The following PDE3B variants were observed in gnomAD, a reference collection of about 807,000 sequenced individuals.
PDE3B encodes cGMP-inhibited 3',5'-cyclic phosphodiesterase 3B.
A neutral mutation model predicts 116.8 loss-of-function variants in PDE3B; 66 were observed. The observed-to-expected ratio is 0.56, with a 90% confidence interval of 0.46 to 0.69. The LOEUF is 0.69. Ranked by LOEUF, PDE3B falls within the 30% of genes least tolerant of loss-of-function variation. The pLI is 0.00. For missense variants in PDE3B, 1,384 were observed against 1,368.1 expected (o/e 1.01, Z -0.18); for synonymous variants, 595 against 533.6 (o/e 1.12, Z -1.59).
At chr11:14,805,303 G>T (rs1858885156) in intron 5 of PDE3B, among the ~76,000 whole-genome samples, 1 of 152,152 alleles carries the variant, frequency 6.6e-6, no homozygotes, top group Non-Finnish European at 1.5e-5. Context: ...CTTGTTAACA[G>T]CAACTGTGAA....
intron 1 of PDE3B, among the ~76,000 whole-genome samples, chr11:14,747,049 A>G (rs1856927704): frequency 6.6e-6 from 1 of 152,228 alleles, no homozygotes; most frequent in African/African-American, 2.4e-5. Context: ...GGTGGAAGGC[A>G]AAGGCGGAGG....
chr11:14,862,496 C>A lies in PDE3B; in HGVS notation c.2886+1130C>A, dbSNP rs548068409. On this transcript the variant is annotated intron_variant, in intron 14 of 15. Coordinates refer to ENST00000282096, the MANE Select transcript of PDE3B (RefSeq NM_000922.4). ...GTAGGAACATCAACTGGGAAGAAAT[C>A]CGGACAGAGGGCTACAAAATGGAGA... Among the ~76,000 whole-genome samples, 24 of 152,270 alleles carry A rather than the reference C, an allele frequency of 1.6e-4. No homozygotes were observed. In the South Asian group the frequency reaches 5.0e-3, roughly 32 times the overall value.
At chr11:14,891,431 C>T in the PDE3B span, 8 of 985,920 alleles carry the variant, frequency 8.1e-6, no homozygotes, top group South Asian at 3.7e-4. Flanking sequence ...ACAATCGTTT[C>T]CCAGGGCCCG....
intron 10 of PDE3B, among the ~76,000 whole-genome samples, chr11:14,833,395 G>A (rs754990155): frequency 9.9e-5 from 15 of 151,856 alleles, no homozygotes; most frequent in South Asian, 2.1e-4. Context: ...TTTATTTTTT[G>A]TAAAGGTGGT....
intron 11 of PDE3B, among the ~76,000 whole-genome samples, chr11:14,836,958 T>C (rs7938369): frequency 1 from 152,081 of 152,340 alleles, 75,911 homozygotes; most frequent in Middle Eastern, 1. Flanking sequence ...GGACTACAGA[T>C]GCACGCTGCC....
chr11:14,665,622 T>C (rs904892929), intron 1 of PDE3B, among the ~76,000 whole-genome samples: 2 of 152,008 alleles, frequency 1.3e-5, no homozygotes, highest in East Asian at 1.9e-4. Flanking sequence ...TATACACCAA[T>C]AACAGACAAA....
intron 4 of PDE3B, among the ~76,000 whole-genome samples, chr11:14,790,020 G>A (rs1011813382): frequency 6.6e-6 from 1 of 151,952 alleles, no homozygotes; most frequent in Middle Eastern, 3.4e-3. Context: ...CCATTTTCTG[G>A]TATTACTGAG....
chr11:14,786,381 T>A, intron 2 of PDE3B, 56 bp from the exon 3 acceptor site: 1 of 1,316,432 alleles, frequency 7.6e-7, no homozygotes, highest in South Asian at 1.4e-5. Context: ...ATACCATTTG[T>A]TATATCATTT....
chr11:14,660,318 T>C (rs1296028031), intron 1 of PDE3B, among the ~76,000 whole-genome samples: 1 of 151,934 alleles, frequency 6.6e-6, no homozygotes, highest in Non-Finnish European at 1.5e-5. Context: ...TTTTTTTTTT[T>C]TGAGGTGGGG....
In PDE3B at chr11:14,815,447, G is replaced by A. The variant is rs112251690; in HGVS notation, c.1523-2736G>A. ...TGTCCTCAGGTTGTTCTTCATTTCCGTTGGTTGTGGATTCTTGATGGCTCT... is the reference window on the plus strand; with the variant it reads ...TGTCCTCAGGTTGTTCTTCATTTCCATTGGTTGTGGATTCTTGATGGCTCT... On this transcript the variant is annotated intron_variant, in intron 5 of 15. Coordinates refer to ENST00000282096, the MANE Select transcript of PDE3B (RefSeq NM_000922.4). Among the ~76,000 whole-genome samples the A allele has an allele frequency of 8.8e-3, 1,342 of 152,200 alleles. 13 individuals are homozygous for A. Among genetic ancestry groups the A allele is most frequent in the Non-Finnish European group, 0.013 (906 of 68,022 alleles).
chr11:14,752,539 T>C (rs1857081423), intron 1 of PDE3B, among the ~76,000 whole-genome samples: 1 of 152,166 alleles, frequency 6.6e-6, no homozygotes, highest in Non-Finnish European at 1.5e-5. Flanking sequence ...TTTTCCCAGC[T>C]CTCTTCTAAA....
chr11:14,849,549 C>T (rs1590192817), intron 12 of PDE3B, among the ~76,000 whole-genome samples: 2 of 152,188 alleles, frequency 1.3e-5, no homozygotes, highest in South Asian at 4.1e-4. Flanking sequence ...AGTGAACAGG[C>T]AACCTACAAA....
At chr11:14,809,279 G>A (rs1466341319) in intron 5 of PDE3B, among the ~76,000 whole-genome samples, 2 of 152,158 alleles carry the variant, frequency 1.3e-5, no homozygotes, top group Admixed American at 6.5e-5. Flanking sequence ...ACAAAAACTT[G>A]TGCATAAATG....
chr11:14,645,145 T>C, intron 1 of PDE3B, 92 bp downstream of exon 1: 1 of 610,324 alleles, frequency 1.6e-6, no homozygotes, highest in Non-Finnish European at 2.2e-6. Context: ...TCAAAGCATG[T>C]TAACTTTCAG....
rs570948344 is a variant in PDE3B, at chr11:14,750,712, A to C, written c.979-21225A>C. On this transcript the variant is annotated intron_variant, in intron 1 of 15. Coordinates refer to ENST00000282096, the MANE Select transcript of PDE3B (RefSeq NM_000922.4). ...GATCCATAGGCTTTACTAGACTGCA[A>C]AAGGGGTCCATTGTTCAAGAAGTGG... Among the ~76,000 whole-genome samples the C allele has an allele frequency of 7.2e-5, 11 of 152,276 alleles. No individual in the cohort carries two copies. The East Asian group carries it at 2.1e-3, about 29-fold the overall frequency.
intron 5 of PDE3B, among the ~76,000 whole-genome samples, chr11:14,814,364 A>C (rs533639500): frequency 7.2e-5 from 11 of 152,292 alleles, no homozygotes; most frequent in African/African-American, 2.4e-4. Flanking sequence ...AAAATCTAGA[A>C]GGCTCTAAAA....
chr11:14,767,831 A>G lies in PDE3B; in HGVS notation c.979-4106A>G, dbSNP rs145926688. Among the ~76,000 whole-genome samples, 97 of 151,584 alleles carry G rather than the reference A, an allele frequency of 6.4e-4. 1 individual carries two copies. In the East Asian group the frequency reaches 0.016, roughly 24 times the overall value. ...CTAGTGATTGACAGATCATAATTTG[A>G]TAAATAATGGCTAATATTCTATTAC... On this transcript the variant is annotated intron_variant, in intron 1 of 15. Transcript: ENST00000282096.
chr11:14,786,322 T>A (rs1342178146), intron 2 of PDE3B, 115 bp from the exon 3 acceptor site: 4 of 716,812 alleles, frequency 5.6e-6, no homozygotes, highest in Non-Finnish European at 8.5e-6. Flanking sequence ...AAATTAAAGT[T>A]CACGGTTATT....
chr11:14,786,661 G>A lies in PDE3B; in HGVS notation c.1254G>A (p.Glu418=). 6.2e-7 allele frequency: 1 copy of A among 1,611,720 alleles called. No homozygotes were observed. Among genetic ancestry groups the A allele is most frequent in the Non-Finnish European group, 8.5e-7 (1 of 1,178,070 alleles). The change falls in exon 3 of 16, where the codon GAG becomes GAA. Residue 418 remains glutamate, a synonymous_variant. Transcript: ENST00000282096. Reference sequence around the variant, plus strand: ...GTTCTGAAATAGAGGACCCAGCTGAGAAAGGGGATAGAAAACTTAACAAGG... The same window carrying A: ...GTTCTGAAATAGAGGACCCAGCTGAAAAAGGGGATAGAAAACTTAACAAGG... ...YPCSEIEDPA[E]KGDRKLNKGL... is the part of the protein sequence containing the mutation.
Sources: allele counts gnomAD v4.1 joint callset (sites outside exome capture counted in the v4.1 genomes callset), GRCh38; gene constraint gnomAD v4.1.1; transcripts MANE v1.5; gene names NCBI Gene and HGNC (gene_info 2026-07-23, HGNC 2026-07-21).